AFF4: variants seen among roughly 807,000 people sequenced by gnomAD.
The protein encoded by AFF4 is ALF transcription elongation factor 4.
In AFF4, 13 loss-of-function variants were observed where a neutral mutation model predicts 124.8. The observed-to-expected ratio is 0.10, with a 90% CI of 0.07 to 0.17. The LOEUF is 0.17. AFF4 is among the 10% of genes least tolerant of loss of function. AFF4 has a pLI of 1.00. For missense variants in AFF4, 1,092 were observed against 1,403.8 expected, an observed-to-expected ratio of 0.78 and a Z score of 3.55; for synonymous variants, 477 against 496.1, an observed-to-expected ratio of 0.96 and a Z score of 0.51.
chr5:132,892,564 T>C (rs769755841), intron 12 of AFF4, among the ~76,000 whole-genome samples, 160 bp from the exon 13 acceptor site: 5 of 152,204 alleles, frequency 3.3e-5, no homozygotes, highest in Non-Finnish European at 7.3e-5. Context: ...GTAAATTCCA[T>C]GAAGGTAGGC....
At chr5:132,946,792 T>C (rs1040772526) in intron 1 of AFF4, among the ~76,000 whole-genome samples, 15 of 152,224 alleles carry the variant, frequency 9.9e-5, no homozygotes, top group Non-Finnish European at 2.2e-4. Flanking sequence ...ATTTTATATT[T>C]TGCCACAATA....
intron 1 of AFF4, 136 bp from the exon 2 acceptor site, chr5:132,937,329 A>G (rs1276930795): frequency 9.0e-7 from 1 of 1,113,546 alleles, no homozygotes; most frequent in African/African-American, 1.6e-5. Flanking sequence ...TTAGTGCTGA[A>G]GCTGGGTTTT....
chr5:132,958,773 T>A (rs1762016122), intron 1 of AFF4, among the ~76,000 whole-genome samples: 1 of 152,140 alleles, frequency 6.6e-6, no homozygotes, highest in South Asian at 2.1e-4. Context: ...GGAAAAGTCA[T>A]AACCCACTAG....
Position 132,934,694 on chromosome 5 carries a change from G to T in AFF4, c.371C>A (p.Ser124Tyr). Residue 124 changes from serine (S) to tyrosine (Y), a missense_variant, in exon 3 of 21, where the codon TCC becomes TAC. This residue lies in a region of AFF4 where 188 missense variants were observed against 203.0 expected (regional missense o/e 0.93). Transcript: ENST00000265343. ...ACTATGTCCACTCTGTAAGCCTGAG[G>T]ACCGTTTCTGAGACTGAGAAGTGCT... ...APSTSQSQKR[S>Y]SGLQSGHSSQ... 1 of 1,614,124 alleles carries T rather than the reference G, an allele frequency of 6.2e-7. No homozygotes were observed. The highest frequency in any genetic ancestry group is 8.5e-7 in the Non-Finnish European group (1 of 1,180,030).
chr5:132,900,774 T>C (rs1030128737), intron 7 of AFF4: 2 of 756,686 alleles, frequency 2.6e-6, no homozygotes, highest in Non-Finnish European at 3.2e-6. Context: ...CACAAAACAT[T>C]CCTTGTCTTT....
At chr5:132,954,990 C>T (rs1436354368) in intron 1 of AFF4, among the ~76,000 whole-genome samples, 3 of 152,144 alleles carry the variant, frequency 2.0e-5, no homozygotes, top group African/African-American at 7.2e-5. Context: ...GTCACATGAA[C>T]TTGAAGGATG....
Position 132,934,356 on chromosome 5 carries a change from A to C in AFF4, c.709T>G (p.Ser237Ala). 6.2e-7 allele frequency: 1 copy of C among 1,614,112 alleles called. No homozygotes were observed. Among genetic ancestry groups the C allele is most frequent in the Non-Finnish European group, 8.5e-7 (1 of 1,180,024 alleles). ...TTTGACATCAATGAGGGTGGGAAAG[A>C]TTGAGTTGAGTGCTGCCCACTTGAA... is the stretch of plus-strand genomic sequence containing the variant. ...PFSSGQHSTQSFPPSLMSKSN... is the reference protein window; with the variant it reads ...PFSSGQHSTQAFPPSLMSKSN... Residue 237 changes from serine (S) to alanine (A), a missense_variant, in exon 3 of 21, where the codon TCT becomes GCT. Physicochemically the swap from Ser to Ala is moderately conservative, Grantham distance 99. Coordinates refer to ENST00000265343, the MANE Select transcript of AFF4 (RefSeq NM_014423.4).
intron 14 of AFF4, among the ~76,000 whole-genome samples, chr5:132,888,460 C>T (rs757479488): frequency 6.6e-6 from 1 of 151,892 alleles, no homozygotes; most frequent in Non-Finnish European, 1.5e-5. Flanking sequence ...GGAGAAATTA[C>T]CTTTTATTAA....
At chr5:132,892,027 T>C in intron 13 of AFF4, 137 bp downstream of exon 13, 1 of 1,274,866 alleles carries the variant, frequency 7.8e-7, no homozygotes, top group South Asian at 1.4e-5. Context: ...ATCAGGATTA[T>C]TACATATAGA....
chr5:132,949,733 G>A (rs1323218818), intron 1 of AFF4, among the ~76,000 whole-genome samples: 1 of 151,340 alleles, frequency 6.6e-6, no homozygotes, highest in Non-Finnish European at 1.5e-5. Flanking sequence ...GTGAGGGTGA[G>A]TGCCCGCAGT....
intron 11 of AFF4, 23 bp from the exon 12 acceptor site, chr5:132,893,141 G>T: frequency 1.2e-6 from 2 of 1,606,520 alleles, no homozygotes; most frequent in Non-Finnish European, 1.7e-6. Context: ...TAGAAACCGT[G>T]GTCTGATTTT....
chr5:132,946,958 G>T (rs1009311105), intron 1 of AFF4, among the ~76,000 whole-genome samples: 1 of 152,134 alleles, frequency 6.6e-6, no homozygotes, highest in Non-Finnish European at 1.5e-5. Flanking sequence ...TTGGGAGGTG[G>T]AGGCACGAGA....
At chr5:132,918,719 T>C (rs970052116) in intron 5 of AFF4, among the ~76,000 whole-genome samples, 3 of 151,966 alleles carry the variant, frequency 2.0e-5, no homozygotes, top group Non-Finnish European at 4.4e-5. Flanking sequence ...AAAACAATAC[T>C]GAAAGAAATT....
chr5:132,889,015 A>G, intron 14 of AFF4, 64 bp downstream of exon 14: 1 of 1,466,842 alleles, frequency 6.8e-7, no homozygotes, highest in Non-Finnish European at 9.5e-7. Flanking sequence ...AATGAAAATG[A>G]GTTTCTTATA....
chr5:132,930,885 C>G (rs1354475830), intron 4 of AFF4, among the ~76,000 whole-genome samples: 1 of 132,798 alleles, frequency 7.5e-6, no homozygotes, highest in Admixed American at 8.3e-5. Context: ...GGCAGGCAGA[C>G]AGGAGTTCCA....
intron 5 of AFF4, among the ~76,000 whole-genome samples, chr5:132,907,119 T>TA (rs1760689443): frequency 6.6e-6 from 1 of 152,166 alleles, no homozygotes; most frequent in African/African-American, 2.4e-5. Context: ...TTCTGTCTCT[T>TA]AAACATCCAC....
At chr5:132,941,866 G>A (rs552009075) in intron 1 of AFF4, among the ~76,000 whole-genome samples, 36 of 151,986 alleles carry the variant, frequency 2.4e-4, no homozygotes, top group African/African-American at 8.7e-4. Flanking sequence ...AAATTGACAG[G>A]GCATGGTGGC....
chr5:132,891,245 TTTCTGTGTA>T (rs1478739872), intron 13 of AFF4, among the ~76,000 whole-genome samples: 1 of 152,208 alleles, frequency 6.6e-6, no homozygotes, highest in African/African-American at 2.4e-5. Flanking sequence ...GAGAAAAAGC[TTTCTGTGTA>T]TTTTAATTTG....
Position 132,899,567 on chromosome 5 carries a change from T to C in AFF4, c.1188+20A>G, listed in dbSNP as rs1294242188. 11 of 1,596,514 alleles carry C rather than the reference T, an allele frequency of 6.9e-6. No homozygotes were observed. The highest frequency in any genetic ancestry group is 1.1e-5 in the South Asian group (1 of 87,732). On this transcript the variant is annotated intron_variant, in intron 8 of 20. Coordinates refer to ENST00000265343, the MANE Select transcript of AFF4 (RefSeq NM_014423.4). ...AAAATACTATATGAGACTGGCAAAATAATACAATAGTAGACACACCTGTTC... is the reference window on the plus strand; with the variant it reads ...AAAATACTATATGAGACTGGCAAAACAATACAATAGTAGACACACCTGTTC...
Sources: gnomAD v4.1 joint callset for allele counts (sites outside exome capture counted in the v4.1 genomes callset) on GRCh38, gnomAD v4.1.1 for gene constraint, gnomAD v4.1.1 regional missense constraint, MANE v1.5 for transcripts, NCBI Gene and HGNC (gene_info 2026-07-23, HGNC 2026-07-21) for gene names.